CNTN5: variants seen among roughly 807,000 people sequenced by gnomAD.
CNTN5 encodes the protein contactin-5.
Under a neutral mutation model 129.1 loss-of-function variants are expected in CNTN5, and 77 were observed. That is an observed-to-expected ratio of 0.60 (90% CI 0.50 to 0.72). CNTN5 has a LOEUF of 0.72. Among genes scored for constraint, CNTN5 ranks in the 30% least tolerant of loss-of-function variants. The probability of loss-of-function intolerance (pLI) is 0.00; values close to 1 mark genes in which losing one functional copy is unlikely to be tolerated. For missense variants in CNTN5, 1,478 were observed against 1,328.8 expected (o/e 1.11, Z -1.75); for synonymous variants, 509 against 465.6 (o/e 1.09, Z -1.20).
chr11:99,094,860 G>C (rs998252144), intron 1 of CNTN5, among the ~76,000 whole-genome samples: 16 of 151,786 alleles, frequency 1.1e-4, no homozygotes, highest in Middle Eastern at 6.3e-3. Flanking sequence ...GAGATTAATG[G>C]TAAGTAAAAG....
intron 1 of CNTN5, among the ~76,000 whole-genome samples, chr11:99,310,049 C>T (rs1865044150): frequency 6.6e-6 from 1 of 152,018 alleles, no homozygotes; most frequent in Non-Finnish European, 1.5e-5. Flanking sequence ...ACACTTTTTA[C>T]AGTGTTGACT....
intron 21 of CNTN5, 102 bp from the exon 22 acceptor site, chr11:100,340,361 T>C: frequency 3.9e-6 from 3 of 767,048 alleles, no homozygotes; most frequent in Non-Finnish European, 6.3e-6. Flanking sequence ...TTTCTTCCTA[T>C]GGGTGGACTC....
chr11:100,124,990 C>T (rs544887758), intron 13 of CNTN5, among the ~76,000 whole-genome samples: 125 of 152,096 alleles, frequency 8.2e-4, no homozygotes, highest in Middle Eastern at 3.4e-3. Flanking sequence ...ATTTCTGATT[C>T]TGTAGATCTG....
chr11:99,737,813 G>A (rs1565477409), intron 3 of CNTN5, among the ~76,000 whole-genome samples: 1 of 152,032 alleles, frequency 6.6e-6, no homozygotes, highest in Non-Finnish European at 1.5e-5. Flanking sequence ...AGGATAGAAC[G>A]AGTACAGTGT....
chr11:99,205,829 A>G (rs1591357723), intron 1 of CNTN5, among the ~76,000 whole-genome samples: 1 of 105,910 alleles, frequency 9.4e-6, no homozygotes, highest in Non-Finnish European at 1.8e-5. Context: ...AATAAAGCTG[A>G]AAAAAAATAA....
In CNTN5 at chr11:99,721,063, C is replaced by T. The variant is rs371729483; in HGVS notation, c.56-98481C>T. Among the ~76,000 whole-genome samples the T allele has an allele frequency of 5.1e-4, 78 of 152,150 alleles. 1 individual carries two copies. Among genetic ancestry groups the T allele is most frequent in the African/African-American group, 1.8e-3 (76 of 41,526 alleles). On this transcript the variant is annotated intron_variant, in intron 3 of 24. Coordinates refer to ENST00000524871, the MANE Select transcript of CNTN5 (RefSeq NM_014361.4). ...AGTATCATTAAAATGGCCGTACTGC[C>T]CAAAGCAATTTACAGATTCAATGCT...
intron 3 of CNTN5, among the ~76,000 whole-genome samples, chr11:99,652,421 G>T (rs1374038495): frequency 6.6e-6 from 1 of 151,932 alleles, no homozygotes; most frequent in African/African-American, 2.4e-5. Flanking sequence ...CTAATCAAGA[G>T]AGTGACTGTT....
rs540996789 is a variant in CNTN5 at position 100,183,618 on chromosome 11, G to A, written c.1581-7508G>A. Among the ~76,000 whole-genome samples the A allele has an allele frequency of 7.9e-5, 12 of 152,188 alleles. No individual in the cohort carries two copies. The South Asian group carries it at 1.9e-3, about 24-fold the overall frequency. On this transcript the variant is annotated intron_variant, in intron 13 of 24. Coordinates refer to ENST00000524871, the MANE Select transcript of CNTN5 (RefSeq NM_014361.4). ...CAGTAGTTGCCTAGGACAACGATGGGGTTAGAAGGGGCTGGGGGAATGCAA... is the reference window on the plus strand; with the variant it reads ...CAGTAGTTGCCTAGGACAACGATGGAGTTAGAAGGGGCTGGGGGAATGCAA...
intron 2 of CNTN5, among the ~76,000 whole-genome samples, chr11:99,461,066 A>C (rs1944679840): frequency 6.6e-6 from 1 of 152,136 alleles, no homozygotes; most frequent in South Asian, 2.1e-4. Context: ...TGATGCCCTC[A>C]AAACATATAT....
intron 2 of CNTN5, among the ~76,000 whole-genome samples, chr11:99,401,580 C>T (rs886524362): frequency 6.6e-6 from 1 of 152,044 alleles, no homozygotes; most frequent in Non-Finnish European, 1.5e-5. Context: ...TTTTGTGGTT[C>T]CATATAAATT....
At chr11:100,042,924 A>C (rs12295210) in intron 9 of CNTN5, among the ~76,000 whole-genome samples, 16,133 of 152,246 alleles carry the variant, frequency 0.11, 956 homozygotes, top group Middle Eastern at 0.25. Context: ...GAACAGATAT[A>C]ATTTCAACAG....
Position 99,916,107 on chromosome 11 carries a change from C to A in CNTN5, c.631C>A (p.Gln211Lys). ...AAGTGCAGTCTCTGTGAGGGAAGGC[C>A]AGGGTGTCGTTCTGATGTGCTCTCC... is the stretch of plus-strand genomic sequence containing the variant. ...TRSAVSVREG[Q>K]GVVLMCSPPP... is the part of the protein sequence containing the mutation. Residue 211 changes from glutamine to lysine, a missense_variant, in exon 7 of 25, where the codon CAG (glutamine) becomes AAG (lysine). Gln to Lys is a moderately conservative substitution (Grantham distance 53, BLOSUM62 1). Coordinates refer to ENST00000524871, the MANE Select transcript of CNTN5 (RefSeq NM_014361.4). 6.2e-7 allele frequency: 1 copy of A among 1,612,442 alleles called. No individual in the cohort carries two copies. Among genetic ancestry groups the A allele is most frequent in the Non-Finnish European group, 8.5e-7 (1 of 1,179,248 alleles).
At chr11:99,378,586 T>C (rs796066358) in intron 2 of CNTN5, among the ~76,000 whole-genome samples, 3 of 152,254 alleles carry the variant, frequency 2.0e-5, no homozygotes, top group African/African-American at 7.2e-5. Context: ...ATCATAATTT[T>C]GCACAGACTT....
Position 100,279,446 on chromosome 11 carries a change from C to CT in CNTN5, c.2314+8214dup, listed in dbSNP as rs915046858. 1.1e-4 allele frequency among the ~76,000 whole-genome samples: 16 copies of CT among 150,552 alleles called. No homozygotes were observed. The South Asian group carries it at 1.9e-3, about 18-fold the overall frequency. ...AGTGAAGCCATTGAGTCTGAGGCTTCTTTTTTTTTCCCTCTGGATGCCCAT... is the reference window on the plus strand; with the variant it reads ...AGTGAAGCCATTGAGTCTGAGGCTTCTTTTTTTTTTCCCTCTGGATGCCCAT... On this transcript the variant is annotated intron_variant, in intron 18 of 24. Transcript: ENST00000524871.
rs544588739 is a variant in CNTN5, at chr11:100,006,848, A to G, written c.980+4712A>G. On this transcript the variant is annotated intron_variant, in intron 9 of 24. Coordinates refer to ENST00000524871, the MANE Select transcript of CNTN5 (RefSeq NM_014361.4). ...TATCAGTGGAATAATTACCTATGGA[A>G]TCTCTACCCTTATAAAATGTATTTT... 1.5e-3 allele frequency among the ~76,000 whole-genome samples: 228 copies of G among 152,266 alleles called. 2 individuals are homozygous for G. Among genetic ancestry groups the G allele is most frequent in the South Asian group, 1.0e-2 (48 of 4,820 alleles).
At chr11:99,127,507 C>T (rs974820081) in intron 1 of CNTN5, among the ~76,000 whole-genome samples, 16 of 152,144 alleles carry the variant, frequency 1.1e-4, no homozygotes, top group Admixed American at 9.8e-4. Context: ...TCTTGCTCCC[C>T]ACTGCCACTA....
intron 13 of CNTN5, among the ~76,000 whole-genome samples, chr11:100,129,673 C>CA (rs969445143): frequency 6.6e-6 from 1 of 151,786 alleles, no homozygotes; most frequent in African/African-American, 2.4e-5. Context: ...AATATTTCCC[C>CA]AAAAAAATAA....
intron 1 of CNTN5, among the ~76,000 whole-genome samples, chr11:99,073,797 C>T (rs933079114): frequency 3.3e-5 from 5 of 151,766 alleles, no homozygotes; most frequent in African/African-American, 1.2e-4. Context: ...AGTCTATCTT[C>T]CAAGTCTTTG....
chr11:99,197,100 T>C (rs532230731), intron 1 of CNTN5, among the ~76,000 whole-genome samples: 65 of 152,110 alleles, frequency 4.3e-4, no homozygotes, highest in African/African-American at 1.5e-3. Context: ...CAAGAATACA[T>C]AATATTCAAA....
Sources: gnomAD v4.1 joint callset for allele counts (sites outside exome capture counted in the v4.1 genomes callset) on GRCh38, gnomAD v4.1.1 for gene constraint, MANE v1.5 for transcripts, NCBI Gene and HGNC (gene_info 2026-07-23, HGNC 2026-07-21) for gene names.